Variants in FYB1 observed in about 807,000 individuals in gnomAD.
The protein encoded by FYB1 is FYN binding protein 1.
Under a neutral mutation model 94.1 loss-of-function variants are expected in FYB1, and 41 were observed. The observed-to-expected ratio is 0.44, with a 90% CI of 0.34 to 0.57. The LOEUF is 0.57. FYB1 is among the 20% of genes least tolerant of loss of function. FYB1 has a pLI of 0.02. For missense variants in FYB1, 1,050 were observed against 976.8 expected, an observed-to-expected ratio of 1.07 and a Z score of -1.00; for synonymous variants, 367 against 353.2, an observed-to-expected ratio of 1.04 and a Z score of -0.44.
At chr5:39,209,450 C>T (rs550351214) in intron 1 of FYB1, among the ~76,000 whole-genome samples, 7 of 152,016 alleles carry the variant, frequency 4.6e-5, no homozygotes, top group Admixed American at 1.3e-4. Context: ...CCTCAGCCTC[C>T]GAGCAGGTGG....
chr5:39,252,447 T>A (rs1356250011), intron 1 of FYB1, among the ~76,000 whole-genome samples: 4 of 152,228 alleles, frequency 2.6e-5, no homozygotes, highest in Non-Finnish European at 5.9e-5. Context: ...TTTTCTTTAA[T>A]ATATTTTTGA....
At chr5:39,196,277 C>T (rs1362367763) in intron 2 of FYB1, among the ~76,000 whole-genome samples, 7 of 145,694 alleles carry the variant, frequency 4.8e-5, no homozygotes, top group Non-Finnish European at 1.0e-4. Flanking sequence ...GGTGCAATCT[C>T]GGCTCACTGC....
chr5:39,244,192 G>A (rs1042115443), intron 1 of FYB1, among the ~76,000 whole-genome samples: 39 of 152,178 alleles, frequency 2.6e-4, no homozygotes, highest in African/African-American at 9.4e-4. Context: ...AATAGGACTG[G>A]TGAGAGAGGG....
chr5:39,205,663 A>G (rs565692551), intron 1 of FYB1, among the ~76,000 whole-genome samples: 15 of 152,304 alleles, frequency 9.8e-5, no homozygotes, highest in African/African-American at 3.4e-4. Context: ...TGGAAGTGGT[A>G]GATTTGGATT....
upstream of FYB1, among the ~76,000 whole-genome samples, chr5:39,220,047 C>T (rs539282452): frequency 1.3e-5 from 2 of 152,212 alleles, no homozygotes; most frequent in African/African-American, 2.4e-5. Flanking sequence ...CTCACTCTGT[C>T]GGCTCTCTGT....
chr5:39,147,294 G>A (rs1337986878), intron 3 of FYB1, among the ~76,000 whole-genome samples: 1 of 151,480 alleles, frequency 6.6e-6, no homozygotes, highest in Admixed American at 6.6e-5. Flanking sequence ...TTTGGAGACA[G>A]GATCTTACTC....
chr5:39,157,078 A>G (rs2150366444), intron 2 of FYB1, among the ~76,000 whole-genome samples: 1 of 152,318 alleles, frequency 6.6e-6, no homozygotes, highest in East Asian at 1.9e-4. Flanking sequence ...ATATGTTATT[A>G]TCTAGCTTCC....
At chr5:39,228,876 A>T (rs1404349334) in intron 1 of FYB1, among the ~76,000 whole-genome samples, 1 of 152,188 alleles carries the variant, frequency 6.6e-6, no homozygotes, top group African/African-American at 2.4e-5. Flanking sequence ...CAATTAGAGT[A>T]TTACAGTTGA....
chr5:39,217,938 G>C (rs1019187877), intron 1 of FYB1, among the ~76,000 whole-genome samples: 2 of 152,166 alleles, frequency 1.3e-5, no homozygotes, highest in Non-Finnish European at 2.9e-5. Context: ...CAAAGCCACC[G>C]CCTGCACTTA....
intron 3 of FYB1, among the ~76,000 whole-genome samples, chr5:39,144,393 C>T (rs1248918957): frequency 6.6e-6 from 1 of 152,120 alleles, no homozygotes; most frequent in African/African-American, 2.4e-5. Context: ...TTATAGAGAG[C>T]AATCAGCAAA....
At chr5:39,218,244 C>G (rs1163861218) in intron 1 of FYB1, among the ~76,000 whole-genome samples, 2 of 152,168 alleles carry the variant, frequency 1.3e-5, no homozygotes, top group African/African-American at 4.8e-5. Context: ...ACCATAACGC[C>G]TTTGATATTC....
chr5:39,251,969 C>T (rs1431265872), intron 1 of FYB1, among the ~76,000 whole-genome samples: 1 of 151,946 alleles, frequency 6.6e-6, no homozygotes, highest in Non-Finnish European at 1.5e-5. Context: ...ACGGTGAAAC[C>T]CCATCTCTAC....
At chr5:39,110,881 C>A in intron 16 of FYB1, 1 of 283,756 alleles carries the variant, frequency 3.5e-6, no homozygotes. Flanking sequence ...CTATTGACTA[C>A]TAGGGGGACT....
At chr5:39,231,479 T>G (rs1297468338) in intron 1 of FYB1, among the ~76,000 whole-genome samples, 1 of 152,128 alleles carries the variant, frequency 6.6e-6, no homozygotes, top group Non-Finnish European at 1.5e-5. Flanking sequence ...TGGAAAAACA[T>G]ATGATATATT....
chr5:39,256,449 G>T (rs527306757), intron 1 of FYB1, among the ~76,000 whole-genome samples: 1 of 152,166 alleles, frequency 6.6e-6, no homozygotes, highest in Non-Finnish European at 1.5e-5. Flanking sequence ...TTTTCATGCC[G>T]AATTAGCCAT....
chr5:39,270,679 G>C, intron 1 of FYB1: 1 of 1,105,150 alleles, frequency 9.0e-7, no homozygotes, highest in Non-Finnish European at 1.3e-6. Context: ...CCTTTTCTGA[G>C]CTGTGTGGTC....
intron 11 of FYB1, among the ~76,000 whole-genome samples, chr5:39,127,059 CAAAAAAAAA>C (rs200980181): frequency 1.3e-5 from 1 of 77,488 alleles, no homozygotes; most frequent in Admixed American, 1.4e-4. Flanking sequence ...ACTCAGGTCT[CAAAAAAAAA>C]AAAAAAAAAA....
intron 2 of FYB1, among the ~76,000 whole-genome samples, chr5:39,180,180 C>T (rs1375481766): frequency 1.3e-5 from 2 of 152,286 alleles, no homozygotes; most frequent in Non-Finnish European, 2.9e-5. Flanking sequence ...CTGCACCATT[C>T]CCCAATGTTT....
At chr5:39,239,175 G>A (rs261739) in intron 1 of FYB1, among the ~76,000 whole-genome samples, 99,982 of 151,972 alleles carry the variant, frequency 0.66, 36,881 homozygotes, top group Non-Finnish European at 0.83. Flanking sequence ...AATAATAAGC[G>A]GCATCTATGG....
Sources: gnomAD v4.1 joint callset for allele counts (sites outside exome capture counted in the v4.1 genomes callset) on GRCh38, gnomAD v4.1.1 for gene constraint, MANE v1.5 for transcripts, NCBI Gene and HGNC (gene_info 2026-07-23, HGNC 2026-07-21) for gene names.